ADAM22: variants seen among roughly 807,000 people sequenced by gnomAD.
The protein encoded by ADAM22 is ADAM metallopeptidase domain 22, also known as disintegrin and metalloproteinase domain-containing protein 22.
In ADAM22, 65 loss-of-function variants were observed where a neutral mutation model predicts 144.6. The ratio of observed to expected loss-of-function variants is 0.45; its 90% CI spans 0.37 to 0.55. ADAM22 has a LOEUF of 0.55. ADAM22 is among the 20% of genes least tolerant of loss of function. The pLI is 0.00. For missense variants in ADAM22, 974 were observed against 1,184.9 expected, an observed-to-expected ratio of 0.82 and a Z score of 2.61; for synonymous variants, 391 against 412.6, an observed-to-expected ratio of 0.95 and a Z score of 0.63.
intron 2 of ADAM22, among the ~76,000 whole-genome samples, chr7:87,940,288 C>T (rs1842231539): frequency 6.6e-6 from 1 of 151,638 alleles, no homozygotes; most frequent in African/African-American, 2.4e-5. Context: ...CACTATGTAC[C>T]CCATAAATAT....
At chr7:88,113,699 AATAAATATATATATATATATATATATAT>A (rs1443596138) in intron 5 of ADAM22, among the ~76,000 whole-genome samples, 2 of 39,460 alleles carry the variant, frequency 5.1e-5, no homozygotes, top group African/African-American at 2.3e-4. Context: ...TAAATAAATA[AATAAATATATATATATATATATATATAT>A]ATATATATAT....
intron 1 of ADAM22, 74 bp from the exon 2 acceptor site, chr7:87,934,952 T>C: frequency 6.3e-7 from 1 of 1,594,870 alleles, no homozygotes; most frequent in Non-Finnish European, 8.6e-7. Context: ...GACTGCAGGA[T>C]GGAGGAGTGA....
intron 4 of ADAM22, among the ~76,000 whole-genome samples, chr7:88,079,717 G>C (rs1330690896): frequency 1.3e-5 from 2 of 152,062 alleles, no homozygotes; most frequent in East Asian, 1.9e-4. Context: ...ATAAAACAGA[G>C]TTTAAACCAA....
At chr7:88,100,244 G>C (rs1822550926) in intron 4 of ADAM22, among the ~76,000 whole-genome samples, 1 of 152,030 alleles carries the variant, frequency 6.6e-6, no homozygotes, top group African/African-American at 2.4e-5. Context: ...AGTAAACATA[G>C]AACAAATGAC....
At chr7:88,038,802 A>G (rs1193953159) in intron 3 of ADAM22, among the ~76,000 whole-genome samples, 1 of 149,650 alleles carries the variant, frequency 6.7e-6, no homozygotes, top group East Asian at 2.0e-4. Context: ...TTTTTTTTAG[A>G]CAGAGTCTCG....
At chr7:88,184,570 G>C (rs1586593550) in intron 29 of ADAM22, among the ~76,000 whole-genome samples, 1 of 152,188 alleles carries the variant, frequency 6.6e-6, no homozygotes. Flanking sequence ...TTCCATCCTG[G>C]AAAACACAAA....
intron 3 of ADAM22, among the ~76,000 whole-genome samples, chr7:88,006,388 C>A (rs575943980): frequency 6.6e-6 from 1 of 151,918 alleles, no homozygotes; most frequent in African/African-American, 2.4e-5. Context: ...GGAATCCTCC[C>A]TAACTCATTT....
intron 3 of ADAM22, among the ~76,000 whole-genome samples, chr7:88,043,471 C>T (rs371155507): frequency 3.5e-5 from 5 of 142,826 alleles, no homozygotes; most frequent in South Asian, 4.5e-4. Flanking sequence ...GGTGACTGAG[C>T]GAGGCTCAGT....
intron 13 of ADAM22, among the ~76,000 whole-genome samples, chr7:88,134,987 A>T (rs1832655078): frequency 6.6e-6 from 1 of 152,098 alleles, no homozygotes; most frequent in Non-Finnish European, 1.5e-5. Flanking sequence ...TTTCAGTAAC[A>T]AACATCATAA....
At chr7:88,133,326 G>A (rs368255463) in intron 12 of ADAM22, among the ~76,000 whole-genome samples, 192 of 151,592 alleles carry the variant, frequency 1.3e-3, no homozygotes, top group African/African-American at 4.4e-3. Context: ...TTGCGCCACT[G>A]CACTCCAGCC....
chr7:88,005,718 C>A (rs1793652807), intron 3 of ADAM22, among the ~76,000 whole-genome samples: 1 of 152,048 alleles, frequency 6.6e-6, no homozygotes. Context: ...TAATATGATA[C>A]AAGGCTAGGT....
intron 3 of ADAM22, among the ~76,000 whole-genome samples, chr7:88,019,595 C>T (rs1399471195): frequency 2.0e-5 from 3 of 152,124 alleles, no homozygotes; most frequent in African/African-American, 7.2e-5. Context: ...TGCCTGTAAT[C>T]CCAGCACTTT....
intron 3 of ADAM22, among the ~76,000 whole-genome samples, chr7:88,050,969 C>G (rs1004371350): frequency 6.6e-6 from 1 of 152,120 alleles, no homozygotes; most frequent in African/African-American, 2.4e-5. Context: ...CCTAGGTTTT[C>G]TTCTAGGGTT....
chr7:88,114,281 A>G (rs907568724), intron 5 of ADAM22, among the ~76,000 whole-genome samples: 2 of 152,168 alleles, frequency 1.3e-5, no homozygotes, highest in Non-Finnish European at 2.9e-5. Context: ...AGCTCTCCAG[A>G]TGACTTTTTG....
chr7:88,077,895 T>A (rs1815111157), intron 4 of ADAM22, among the ~76,000 whole-genome samples: 1 of 152,206 alleles, frequency 6.6e-6, no homozygotes, highest in African/African-American at 2.4e-5. Context: ...CCTGCCTGCC[T>A]CTGTAGGCTC....
chr7:87,944,758 TTC>T (rs1481915681), intron 2 of ADAM22, among the ~76,000 whole-genome samples: 2 of 152,050 alleles, frequency 1.3e-5, no homozygotes, highest in African/African-American at 4.8e-5. Context: ...CTGAAGCACT[TTC>T]TGAGTTTCTG....
At chr7:88,026,182 G>A (rs914854850) in intron 3 of ADAM22, among the ~76,000 whole-genome samples, 1 of 152,144 alleles carries the variant, frequency 6.6e-6, no homozygotes, top group East Asian at 1.9e-4. Context: ...AATTTATAAA[G>A]AAAAGAGGGT....
intron 2 of ADAM22, among the ~76,000 whole-genome samples, chr7:87,939,884 A>C (rs1324458382): frequency 3.3e-5 from 5 of 152,182 alleles, no homozygotes; most frequent in Non-Finnish European, 7.3e-5. Flanking sequence ...TTCAGGAATT[A>C]CTTTTCACTT....
At chr7:88,169,257 A>G (rs1586439549) in intron 25 of ADAM22, among the ~76,000 whole-genome samples, 1 of 152,060 alleles carries the variant, frequency 6.6e-6, no homozygotes, top group African/African-American at 2.4e-5. Context: ...GCATTTGTGG[A>G]AGACTATATA....
Sources: allele counts gnomAD v4.1 joint callset (sites outside exome capture counted in the v4.1 genomes callset), GRCh38; gene constraint gnomAD v4.1.1; transcripts MANE v1.5; gene names NCBI Gene and HGNC (gene_info 2026-07-23, HGNC 2026-07-21).